EEA1: variants seen among roughly 807,000 people sequenced by gnomAD.
EEA1 encodes early endosome antigen 1, 162kD.
Under a neutral mutation model 209.2 loss-of-function variants are expected in EEA1, and 111 were observed. The ratio of observed to expected loss-of-function variants is 0.53; its 90% CI spans 0.45 to 0.62. The LOEUF (loss-of-function observed/expected upper bound fraction) is 0.62, where lower values mean the gene tolerates loss of function less well. Ranked by LOEUF, EEA1 falls within the 20% of genes least tolerant of loss-of-function variation. The pLI, the probability that EEA1 is intolerant of heterozygous loss-of-function variation, is 0.00. For missense variants in EEA1, 1,343 were observed against 1,530.8 expected (o/e 0.88, Z 2.05); for synonymous variants, 536 against 540.6 (o/e 0.99, Z 0.12).
chr12:92,850,689 CAAAAAAAAAAAAA>C (rs11323932), intron 9 of EEA1, among the ~76,000 whole-genome samples: 3 of 46,910 alleles, frequency 6.4e-5, no homozygotes, highest in Admixed American at 3.4e-4. Flanking sequence ...GACTTTGTCT[CAAAAAAAAAAAAA>C]AAAAAAAAAA....
At chr12:92,874,638 T>C (rs1299116078) in intron 2 of EEA1, among the ~76,000 whole-genome samples, 1 of 152,272 alleles carries the variant, frequency 6.6e-6, no homozygotes, top group Non-Finnish European at 1.5e-5. Context: ...AGTGCTGGGA[T>C]TACAGGCGTG....
intron 3 of EEA1, chr12:92,858,527 T>C: frequency 1.3e-6 from 1 of 797,670 alleles, no homozygotes. Flanking sequence ...CTGAGGAGTG[T>C]ATGTAGGCCT....
intron 18 of EEA1, 94 bp from the exon 19 acceptor site, chr12:92,802,828 G>T: frequency 9.4e-7 from 1 of 1,063,708 alleles, no homozygotes; most frequent in Non-Finnish European, 1.3e-6. Context: ...ACTGAGTTCT[G>T]AAACTTTTTT....
At chr12:92,781,413 T>C (rs1210861324) in intron 23 of EEA1, among the ~76,000 whole-genome samples, 1 of 152,140 alleles carries the variant, frequency 6.6e-6, no homozygotes, top group Non-Finnish European at 1.5e-5. Context: ...ATTTCAACTA[T>C]AAAACAAAAA....
intron 1 of EEA1, among the ~76,000 whole-genome samples, chr12:92,912,411 C>T (rs190391910): frequency 1.4e-3 from 211 of 152,264 alleles, no homozygotes; most frequent in South Asian, 3.1e-3. Context: ...ACTTGAAAGG[C>T]GTCTGTCTGC....
intron 3 of EEA1, chr12:92,858,179 C>T (rs1038652270): frequency 1.5e-6 from 1 of 672,116 alleles, no homozygotes. Flanking sequence ...CAGATAAGAT[C>T]TGTGACCAGA....
intron 13 of EEA1, among the ~76,000 whole-genome samples, chr12:92,824,632 C>T (rs1447571682): frequency 6.6e-6 from 1 of 152,186 alleles, no homozygotes; most frequent in African/African-American, 2.4e-5. Flanking sequence ...CTCTGAATCA[C>T]AGGCTCCTCC....
At chr12:92,789,114 ACCC>A (rs915201568) in intron 21 of EEA1, among the ~76,000 whole-genome samples, 12 of 151,366 alleles carry the variant, frequency 7.9e-5, no homozygotes, top group African/African-American at 2.9e-4. Context: ...ACATGGTGAA[ACCC>A]CGCCTCTACT....
intron 3 of EEA1, 83 bp from the exon 4 acceptor site, chr12:92,857,568 G>T (rs942694839): frequency 6.3e-6 from 5 of 799,576 alleles, no homozygotes; most frequent in African/African-American, 5.4e-5. Flanking sequence ...GCTAGTAATT[G>T]TATATTAATA....
chr12:92,855,122 T>C (rs1483915046), intron 5 of EEA1, among the ~76,000 whole-genome samples: 1 of 147,890 alleles, frequency 6.8e-6, no homozygotes, highest in Non-Finnish European at 1.5e-5. Context: ...CTACTAAAAC[T>C]TGCATTAGTT....
intron 6 of EEA1, 56 bp from the exon 7 acceptor site, chr12:92,853,081 G>A (rs1327122784): frequency 1.8e-6 from 2 of 1,114,428 alleles, no homozygotes; most frequent in Non-Finnish European, 2.6e-6. Flanking sequence ...ATGCTAAATT[G>A]TTATTACTTA....
chr12:92,872,047 ATT>A (rs56671465), intron 2 of EEA1, among the ~76,000 whole-genome samples: 10 of 132,558 alleles, frequency 7.5e-5, no homozygotes, highest in African/African-American at 5.6e-5. Flanking sequence ...GGCCCAGCTA[ATT>A]TTTTTTTTTT....
At chr12:92,801,230 A>G (rs1449462493) in intron 20 of EEA1, among the ~76,000 whole-genome samples, 2 of 152,162 alleles carry the variant, frequency 1.3e-5, no homozygotes, top group Non-Finnish European at 2.9e-5. Context: ...TCATTTCTAT[A>G]GAAAGCCTTT....
At chr12:92,914,237 G>A (rs1040484074) in intron 1 of EEA1, among the ~76,000 whole-genome samples, 12 of 151,868 alleles carry the variant, frequency 7.9e-5, no homozygotes, top group Non-Finnish European at 1.8e-4. Context: ...CAGATCCCAG[G>A]CCCATAATCA....
chr12:92,809,114 G>T lies in EEA1; in HGVS notation c.2242C>A (p.Gln748Lys). 1 of 1,600,014 alleles carries T rather than the reference G, an allele frequency of 6.2e-7. No individual in the cohort carries two copies. The highest frequency in any genetic ancestry group is 1.1e-5 in the South Asian group (1 of 88,482). Residue 748 changes from glutamine (Q) to lysine (K), a missense_variant, in exon 18 of 29, where the codon CAG becomes AAG. Physicochemically the swap from Gln to Lys is moderately conservative, Grantham distance 53. Around this residue, in one of 3 missense-constraint regions of EEA1, gnomAD observed 1,307 missense variants for 1,465.5 expected, o/e 0.89. Coordinates refer to ENST00000322349, the MANE Select transcript of EEA1 (RefSeq NM_003566.4). ...TGCTGTTGTAGATCTTGCAAAGCCT[G>T]CTCCTTGCTTGCTTTAACTTCAAGA... ...DSLEVKASKE[Q>K]ALQDLQQQRQ...
intron 4 of EEA1, 21 bp from the exon 5 acceptor site, chr12:92,857,361 T>A: frequency 6.4e-7 from 1 of 1,563,030 alleles, no homozygotes; most frequent in Non-Finnish European, 8.7e-7. Flanking sequence ...AGATTTTTAA[T>A]TAGTAAATTT....
rs1468076645 is a variant in EEA1 at position 92,853,858 on chromosome 12, G to A, written c.406+57C>T. The A allele has an allele frequency of 9.4e-6, 14 of 1,496,022 alleles. No individual in the cohort carries two copies. The East Asian group carries it at 3.0e-4, about 32-fold the overall frequency. 92.7% of individuals were successfully genotyped at this position (1,496,022 alleles called of 1,614,324 possible). On this transcript the variant is annotated intron_variant, in intron 6 of 28. Coordinates refer to ENST00000322349, the MANE Select transcript of EEA1 (RefSeq NM_003566.4). ...TGGCAGGCATCAAAGAAAAAGAAAGGAAAACAAATAAGAAGAAAAAGAAAA... is the reference window on the plus strand; with the variant it reads ...TGGCAGGCATCAAAGAAAAAGAAAGAAAAACAAATAAGAAGAAAAAGAAAA...
rs1873388167 is a variant in EEA1, at chr12:92,770,707, T to C, written c.*5304A>G. On this transcript the variant is annotated 3_prime_UTR_variant, in exon 29 of 29. Coordinates refer to ENST00000322349, the MANE Select transcript of EEA1 (RefSeq NM_003566.4). ...ATTGTTCTTTTAATATACAAAGCAATAAATAGGGACTACATTTAAGTAGCA... is the reference window on the plus strand; with the variant it reads ...ATTGTTCTTTTAATATACAAAGCAACAAATAGGGACTACATTTAAGTAGCA... 1 of 152,334 alleles carries C rather than the reference T, an allele frequency of 6.6e-6. No individual in the cohort carries two copies. The highest frequency in any genetic ancestry group is 1.5e-5 in the Non-Finnish European group (1 of 68,160). 9.4% of individuals were successfully genotyped at this position (152,334 alleles called of 1,614,324 possible).
chr12:92,898,818 T>A (rs1167376613), intron 1 of EEA1, among the ~76,000 whole-genome samples: 1 of 134,026 alleles, frequency 7.5e-6, no homozygotes, highest in South Asian at 2.6e-4. Flanking sequence ...GCTCAAGTGA[T>A]CCTTCTCCCA....
Sources: allele counts gnomAD v4.1 joint callset (sites outside exome capture counted in the v4.1 genomes callset), GRCh38; gene constraint gnomAD v4.1.1; regional missense constraint gnomAD v4.1.1; transcripts MANE v1.5; gene names NCBI Gene and HGNC (gene_info 2026-07-23, HGNC 2026-07-21).